The following AATK variants were observed in gnomAD, a reference collection of about 807,000 sequenced individuals.
AATK encodes serine/threonine-protein kinase LMTK1.
A neutral mutation model predicts 114.3 loss-of-function variants in AATK; 91 were observed. That is an observed-to-expected ratio of 0.80 (90% CI 0.67 to 0.95). AATK has a LOEUF of 0.95. Among genes scored for constraint, AATK ranks in the 40% least tolerant of loss-of-function variants. AATK has a pLI of 0.00. For synonymous variants in AATK, 1,075 were observed against 916.5 expected, an observed-to-expected ratio of 1.17 and a Z score of -3.12; for missense variants, 2,176 against 1,965.2, an observed-to-expected ratio of 1.11 and a Z score of -2.03.
intron 1 of AATK, among the ~76,000 whole-genome samples, chr17:81,164,971 C>T (rs1394148405): frequency 4.6e-5 from 7 of 152,236 alleles, no homozygotes; most frequent in East Asian, 1.9e-4. Context: ...TGCCAGGCTG[C>T]GTGCACTGGG....
At chr17:81,125,272 A>C in intron 7 of AATK, 1 of 746,092 alleles carries the variant, frequency 1.3e-6, no homozygotes, top group Non-Finnish European at 2.5e-6. Context: ...CAAATGTTAC[A>C]GTGCAGAGGA....
In AATK at chr17:81,117,447, C is replaced by G. The variant is rs1405962774; in HGVS notation, c.*955G>C. The G allele has an allele frequency of 6.6e-6, 1 of 152,310 alleles. No individual in the cohort carries two copies. The highest frequency in any genetic ancestry group is 1.5e-5 in the Non-Finnish European group (1 of 68,066). 9.4% of individuals were successfully genotyped at this position (152,310 alleles called of 1,614,324 possible). On this transcript the variant is annotated 3_prime_UTR_variant, in exon 14 of 14. Transcript: ENST00000326724. ...TTGGCAACAATAACTTAAAATCACC[C>G]AACTTCCATTCGCTCCAACCACAGC...
intron 1 of AATK, among the ~76,000 whole-genome samples, chr17:81,158,844 G>A (rs552578196): frequency 1.3e-4 from 20 of 152,140 alleles, no homozygotes; most frequent in Admixed American, 5.2e-4. Context: ...GGAGGCGTTC[G>A]TCCATGGGGA....
chr17:81,122,372 G>A lies in AATK; in HGVS notation c.1564C>T (p.His522Tyr). 2.0e-6 allele frequency: 3 copies of A among 1,498,494 alleles called. No homozygotes were observed. The highest frequency in any genetic ancestry group is 2.7e-6 in the Non-Finnish European group (3 of 1,128,208). 92.8% of individuals were successfully genotyped at this position (1,498,494 alleles called of 1,614,324 possible). A position where few individuals can be genotyped will look rare whatever the true frequency, so the allele number is the denominator to read the frequency against. ...TACTCGCTGCCCAGCGACGGGCTGT[G>A]CGCGCTGAGCACCGGAACCACGCCC... Reference protein sequence around the residue: ...PPGVVPVLSAHSPSLGSEYFI... With the variant: ...PPGVVPVLSAYSPSLGSEYFI... Residue 522 changes from histidine to tyrosine, a missense_variant, in exon 11 of 14, where the codon CAC becomes TAC. By Grantham distance (83) the His-to-Tyr change is moderately conservative. Coordinates refer to ENST00000326724, the MANE Select transcript of AATK (RefSeq NM_001080395.3).
chr17:81,160,068 G>A (rs1242438003), intron 1 of AATK, among the ~76,000 whole-genome samples: 1 of 152,186 alleles, frequency 6.6e-6, no homozygotes, highest in Non-Finnish European at 1.5e-5. Flanking sequence ...CCCTGGGGCA[G>A]GTGGCCCCGG....
chr17:81,164,895 G>C (rs988549151), intron 1 of AATK, among the ~76,000 whole-genome samples: 2 of 152,230 alleles, frequency 1.3e-5, no homozygotes, highest in African/African-American at 4.8e-5. Flanking sequence ...CCTCCCACCA[G>C]CTCCCTTCCT....
intron 1 of AATK, among the ~76,000 whole-genome samples, chr17:81,140,334 T>C (rs1388845444): frequency 1.3e-5 from 2 of 152,232 alleles, no homozygotes; most frequent in African/African-American, 4.8e-5. Context: ...AGGCACTCCT[T>C]TTCATTCCAA....
chr17:81,124,325 C>T lies in AATK; in HGVS notation c.962+402G>A, dbSNP rs918234588. ...ACTCAGGATAGGGGCTTCCAGGCTG[C>T]GGCCGTGGGAGATCCCAGCACCACC... On this transcript the variant is annotated intron_variant, in intron 9 of 13. Coordinates refer to ENST00000326724, the MANE Select transcript of AATK (RefSeq NM_001080395.3). Among the ~76,000 whole-genome samples, 18 of 152,296 alleles carry T rather than the reference C, an allele frequency of 1.2e-4. No homozygotes were observed. The South Asian group carries it at 3.1e-3, about 26-fold the overall frequency.
chr17:81,155,818 T>TG (rs773088844), intron 1 of AATK, among the ~76,000 whole-genome samples: 3 of 151,944 alleles, frequency 2.0e-5, no homozygotes, highest in Admixed American at 6.6e-5. Flanking sequence ...TCCCAGTAGC[T>TG]GGGGCTACAG....
chr17:81,150,427 C>T (rs2061280240), intron 1 of AATK, among the ~76,000 whole-genome samples: 1 of 140,954 alleles, frequency 7.1e-6, no homozygotes, highest in Non-Finnish European at 1.5e-5. Context: ...GATCCCAATG[C>T]TTCCCCCATC....
chr17:81,137,918 G>A (rs1027409009), intron 1 of AATK, among the ~76,000 whole-genome samples: 2 of 49,752 alleles, frequency 4.0e-5, no homozygotes, highest in Non-Finnish European at 9.8e-5. Flanking sequence ...ACGGGCACAC[G>A]TGCACACAGC....
chr17:81,127,157 G>T (rs2146311517), intron 6 of AATK, among the ~76,000 whole-genome samples: 1 of 151,578 alleles, frequency 6.6e-6, no homozygotes, highest in African/African-American at 2.4e-5. Context: ...GGGGCGGGGG[G>T]CGTTGATGGG....
rs542635605 is a variant in AATK, at chr17:81,119,878, A to G, written c.3883+58T>C. 89 of 1,383,160 alleles carry G rather than the reference A, an allele frequency of 6.4e-5. 1 individual carries two copies. In the African/African-American group the frequency reaches 1.1e-3, roughly 17 times the overall value. The allele number at this position is 1,383,160 out of a possible 1,614,324, so 85.7% of individuals were successfully genotyped here. A position where few individuals can be genotyped will look rare whatever the true frequency, so the allele number is the denominator to read the frequency against. ...ACACATTAGGCCCCGCCTCCCACAC[A>G]GCACGGACCAGGCCCTGCCTCCCGT... is the stretch of plus-strand genomic sequence containing the variant. On this transcript the variant is annotated intron_variant, in intron 12 of 13. Coordinates refer to ENST00000326724, the MANE Select transcript of AATK (RefSeq NM_001080395.3).
chr17:81,118,468 C>T, intron 13 of AATK, 26 bp from the exon 14 acceptor site: 1 of 1,602,736 alleles, frequency 6.2e-7, no homozygotes, highest in Non-Finnish European at 8.5e-7. Flanking sequence ...ACAAAGTGAA[C>T]ACAGGGTTCT....
rs2060818131 is a variant in AATK at position 81,126,134 on chromosome 17, G to A, written c.755+293C>T. Among the ~76,000 whole-genome samples the A allele has an allele frequency of 6.6e-6, 1 of 152,228 alleles. No homozygotes were observed. ...CCAAAGCGAGGGCTTAGCAGAGTGT[G>A]GGGTTGGCGCGGGGCTGCAGGGTGC... On this transcript the variant is annotated intron_variant, in intron 7 of 13. Transcript: ENST00000326724. This position sits in a 1 kb window ranked among gnomAD's most constrained non-coding sequence, Gnocchi z 5.1.
chr17:81,141,108 G>A (rs925468074), intron 1 of AATK, among the ~76,000 whole-genome samples: 4 of 152,002 alleles, frequency 2.6e-5, no homozygotes, highest in Admixed American at 6.5e-5. Flanking sequence ...AAGGCCAGGG[G>A]TGGACTCTCC....
chr17:81,119,238 GAA>G lies in AATK; in HGVS notation c.4084+140_4084+141del, dbSNP rs2060643632. On this transcript the variant is annotated intron_variant, in intron 13 of 13. Transcript: ENST00000326724. ...GGGTCCAGGCTAGGTCTGGGGCCGG[GAA>G]GGAGCGGGGCCGGGAAGGAGCGGAG... is the stretch of plus-strand genomic sequence containing the variant. The G allele has an allele frequency of 3.0e-4, 66 of 216,548 alleles. 1 individual carries two copies. In the Middle Eastern group the frequency reaches 3.5e-3, roughly 12 times the overall value. 13.4% of individuals were successfully genotyped at this position (216,548 alleles called of 1,614,324 possible).
In AATK at chr17:81,122,243, C is replaced by G. The variant is rs1435806265; in HGVS notation, c.1693G>C (p.Asp565His). Reference protein sequence around the residue: ...PATADQDDDSDGSTAASLAME... With the variant: ...PATADQDDDSHGSTAASLAME... ...GCCAGCGAGGCGGCGGTGCTGCCGT[C>G]AGAGTCGTCGTCCTGGTCCGCGGTG... The change falls in exon 11 of 14, where the codon GAC (aspartate) becomes CAC (histidine). Residue 565 changes from aspartate (D) to histidine (H), a missense_variant. This residue lies in a region of AATK where 1,701 missense variants were observed against 1,394.7 expected (regional missense o/e 1.22). Transcript: ENST00000326724. The G allele has an allele frequency of 1.6e-5, 24 of 1,493,382 alleles. No individual in the cohort carries two copies. Among genetic ancestry groups the G allele is most frequent in the Non-Finnish European group, 2.1e-5 (24 of 1,124,148 alleles). The allele number at this position is 1,493,382 out of a possible 1,614,324, so 92.5% of individuals were successfully genotyped here.
chr17:81,123,467 T>TA, intron 9 of AATK, 124 bp from the exon 10 acceptor site: 1 of 894,662 alleles, frequency 1.1e-6, no homozygotes, highest in Non-Finnish European at 1.5e-6. Flanking sequence ...GACCGGGGCC[T>TA]GGTACCATAC....
Sources: allele counts gnomAD v4.1 joint callset (sites outside exome capture counted in the v4.1 genomes callset), GRCh38; gene constraint gnomAD v4.1.1; regional missense constraint gnomAD v4.1.1; non-coding constraint Gnocchi (gnomAD v3.1); transcripts MANE v1.5; gene names NCBI Gene and HGNC (gene_info 2026-07-23, HGNC 2026-07-21).